The following RBFOX1 variants were observed in gnomAD, a reference collection of about 807,000 sequenced individuals.
RBFOX1 encodes the protein RNA binding fox-1 homolog 1, also known as RNA binding protein fox-1 homolog 1.
RBFOX1 carries 8 observed loss-of-function variants against 57.7 expected under a neutral mutation model. The observed-to-expected ratio is 0.14, with a 90% CI of 0.08 to 0.25. The LOEUF is 0.25. RBFOX1 is among the 10% of genes least tolerant of loss of function. The pLI is 1.00. For missense variants in RBFOX1, 611 were observed against 548.5 expected (o/e 1.11, Z -1.14); for synonymous variants, 326 against 222.4 (o/e 1.47, Z -4.15).
chr16:7,073,585 G>A (rs2057759462), intron 4 of RBFOX1, among the ~76,000 whole-genome samples: 1 of 152,146 alleles, frequency 6.6e-6, no homozygotes. Flanking sequence ...GCTCACACGT[G>A]TAATCCCAGC....
intron 4 of RBFOX1, among the ~76,000 whole-genome samples, chr16:7,501,851 A>C (rs2070999249): frequency 6.6e-6 from 1 of 152,144 alleles, no homozygotes; most frequent in Admixed American, 6.5e-5. Context: ...TCTCTAGGCT[A>C]TTCTATGACT....
At chr16:5,301,618 C>CAAAA (rs60501583) in intron 1 of RBFOX1, among the ~76,000 whole-genome samples, 1,090 of 86,114 alleles carry the variant, frequency 0.013, 36 homozygotes, top group East Asian at 0.045. Context: ...GTCTCCATCT[C>CAAAA]AAAAAAAAAA....
At chr16:6,782,642 C>CT (rs763272191) in intron 3 of RBFOX1, among the ~76,000 whole-genome samples, 54 of 152,108 alleles carry the variant, frequency 3.6e-4, no homozygotes, top group Non-Finnish European at 6.8e-4. Flanking sequence ...GTGTTTCGGC[C>CT]TAACATATGG....
At chr16:6,771,452 A>G (rs1022269447) in intron 3 of RBFOX1, among the ~76,000 whole-genome samples, 1 of 152,138 alleles carries the variant, frequency 6.6e-6, no homozygotes, top group Non-Finnish European at 1.5e-5. Context: ...GTGTCTTCTT[A>G]GATATGATCC....
rs950359640 is a variant in RBFOX1, at chr16:6,742,093, G to A, written c.-16+87443G>A. On this transcript the variant is annotated intron_variant, in intron 3 of 15. Coordinates refer to ENST00000550418, the MANE Select transcript of RBFOX1 (RefSeq NM_018723.4). The stretch of plus-strand genomic sequence containing the variant: ...CATTTTTCAAAACATCATGTTGTAC[G>A]TGATAAATATATACAGTTATTATTG... 7.2e-5 allele frequency among the ~76,000 whole-genome samples: 11 copies of A among 152,116 alleles called. No individual in the cohort carries two copies. In the East Asian group the frequency reaches 1.7e-3, roughly 24 times the overall value.
chr16:5,316,562 C>T (rs1013902401), intron 1 of RBFOX1, among the ~76,000 whole-genome samples: 39 of 152,322 alleles, frequency 2.6e-4, no homozygotes, highest in Middle Eastern at 3.4e-3. Context: ...GGACATTGGG[C>T]ACATTACTTA....
intron 1 of RBFOX1, among the ~76,000 whole-genome samples, chr16:5,280,700 G>A (rs970190922): frequency 2.0e-5 from 3 of 151,980 alleles, no homozygotes; most frequent in Non-Finnish European, 4.4e-5. Flanking sequence ...TTTCCTCTAG[G>A]TTTTCCAATT....
rs7200904 is a variant in RBFOX1 at position 6,487,752 on chromosome 16, T to C, written c.-63-166851T>C. 8.8e-5 allele frequency among the ~76,000 whole-genome samples: 9 copies of C among 102,038 alleles called. 1 individual carries two copies. The South Asian group carries it at 2.9e-3, about 32-fold the overall frequency. The allele number at this position is 102,038 out of a possible 152,430, so 66.9% of individuals were successfully genotyped here. A position where few individuals can be genotyped will look rare whatever the true frequency, so the allele number is the denominator to read the frequency against. ...ATATATATATATATATATATATATATATAAAATATTATGCAGTGATGGGCA... is the reference window on the plus strand; with the variant it reads ...ATATATATATATATATATATATATACATAAAATATTATGCAGTGATGGGCA... On this transcript the variant is annotated intron_variant, in intron 2 of 15. Transcript: ENST00000550418.
chr16:6,496,432 A>G (rs1289400413), intron 2 of RBFOX1, among the ~76,000 whole-genome samples: 1 of 152,202 alleles, frequency 6.6e-6, no homozygotes, highest in Non-Finnish European at 1.5e-5. Flanking sequence ...CTAAACAGCT[A>G]GAACTGTTTC....
chr16:6,689,584 A>G (rs765759305), intron 3 of RBFOX1, among the ~76,000 whole-genome samples: 2 of 152,156 alleles, frequency 1.3e-5, no homozygotes, highest in East Asian at 3.8e-4. Flanking sequence ...GTCTATGACA[A>G]TGTCTACTAT....
intron 5 of RBFOX1, among the ~76,000 whole-genome samples, chr16:7,564,682 A>C (rs946969344): frequency 2.0e-5 from 3 of 152,038 alleles, no homozygotes; most frequent in African/African-American, 7.2e-5. Context: ...TGTTGTTTAA[A>C]CCACCCAGCC....
At chr16:7,288,109 C>T (rs1169657648) in intron 4 of RBFOX1, among the ~76,000 whole-genome samples, 3 of 152,120 alleles carry the variant, frequency 2.0e-5, no homozygotes, top group Non-Finnish European at 4.4e-5. Context: ...TCTACCTTCA[C>T]CCTGGTTTCC....
chr16:5,426,481 G>A (rs1474668626), intron 1 of RBFOX1, among the ~76,000 whole-genome samples: 1 of 152,204 alleles, frequency 6.6e-6, no homozygotes, highest in Non-Finnish European at 1.5e-5. Flanking sequence ...CGGAGGGTCT[G>A]GAAGAGGTGA....
At position 7,181,768 on chromosome 16, in the gene RBFOX1, C is replaced by G. The variant is rs540532135; in HGVS notation, c.27+129670C>G. ...TAGAGACACAGTCTTGCCATGTTAC[C>G]CAGGCTGGTCTCAGACTCCTGAGCT... is the stretch of plus-strand genomic sequence containing the variant. On this transcript the variant is annotated intron_variant, in intron 4 of 15. Coordinates refer to ENST00000550418, the MANE Select transcript of RBFOX1 (RefSeq NM_018723.4). Among the ~76,000 whole-genome samples the G allele has an allele frequency of 5.3e-5, 8 of 152,100 alleles. No homozygotes were observed. In the South Asian group the frequency reaches 6.2e-4, roughly 12 times the overall value.
At chr16:6,624,093 T>C (rs2098271918) in intron 2 of RBFOX1, among the ~76,000 whole-genome samples, 1 of 152,142 alleles carries the variant, frequency 6.6e-6, no homozygotes, top group African/African-American at 2.4e-5. Context: ...CACAACTACG[T>C]ACCACAGAAA....
At chr16:6,356,503 A>G (rs1246668267) in intron 2 of RBFOX1, among the ~76,000 whole-genome samples, 1 of 152,200 alleles carries the variant, frequency 6.6e-6, no homozygotes, top group Non-Finnish European at 1.5e-5. Flanking sequence ...CCCCATACCT[A>G]TAATTCCAGT....
In RBFOX1 at chr16:7,630,618, G is replaced by A. The variant is rs2060799443; in HGVS notation, c.692G>A (p.Cys231Tyr). 1 of 1,614,018 alleles carries A rather than the reference G, an allele frequency of 6.2e-7. No homozygotes were observed. Among genetic ancestry groups the A allele is most frequent in the South Asian group, 1.1e-5 (1 of 91,082 alleles). ...PEFYAGTVLL[C>Y]QANQEGSSMY... ...TCTTTCGTAGGCACGGTCCTGTTGT[G>A]CCAGGCCAACCAGGAGGGATCTTCC... Residue 231 changes from cysteine (C) to tyrosine (Y), a missense_variant, in exon 11 of 16, where the codon TGC becomes TAC. Transcript: ENST00000550418.
At chr16:5,948,018 G>C (rs557418522) in intron 4 of RBFOX1, among the ~76,000 whole-genome samples, 11 of 152,294 alleles carry the variant, frequency 7.2e-5, no homozygotes, top group East Asian at 1.9e-4. Flanking sequence ...TTTCATGGCA[G>C]GAACTCTTCA....
intron 5 of RBFOX1, among the ~76,000 whole-genome samples, chr16:7,577,445 C>T (rs1200635341): frequency 6.6e-6 from 1 of 152,212 alleles, no homozygotes; most frequent in African/African-American, 2.4e-5. Context: ...ACATGCACTG[C>T]CCTGTCTTGG....
Sources: allele counts gnomAD v4.1 joint callset (sites outside exome capture counted in the v4.1 genomes callset), GRCh38; gene constraint gnomAD v4.1.1; transcripts MANE v1.5; gene names NCBI Gene and HGNC (gene_info 2026-07-23, HGNC 2026-07-21).